LMX1B: variants seen among roughly 807,000 people sequenced by gnomAD.
The protein encoded by LMX1B is LIM homeobox transcription factor 1-beta.
Under a neutral mutation model 51.4 loss-of-function variants are expected in LMX1B, and 12 were observed. That is an observed-to-expected ratio of 0.23 (90% CI 0.15 to 0.38). The LOEUF is 0.38. Among genes scored for constraint, LMX1B ranks in the 10% least tolerant of loss-of-function variants. The pLI is 1.00. For missense variants in LMX1B, 445 were observed against 571.1 expected, an observed-to-expected ratio of 0.78 and a Z score of 2.25; for synonymous variants, 237 against 235.4, an observed-to-expected ratio of 1.01 and a Z score of -0.06.
chr9:126,623,763 G>A (rs956081977), intron 2 of LMX1B, among the ~76,000 whole-genome samples: 1 of 152,224 alleles, frequency 6.6e-6, no homozygotes, highest in African/African-American at 2.4e-5. Flanking sequence ...CCTCCTCTGC[G>A]CGGATTGCCC....
At chr9:126,687,104 G>A (rs911914957) in intron 2 of LMX1B, among the ~76,000 whole-genome samples, 3 of 152,156 alleles carry the variant, frequency 2.0e-5, no homozygotes, top group African/African-American at 4.8e-5. Flanking sequence ...GGCACACACC[G>A]AACAAAAGAA....
chr9:126,631,594 GA>G (rs1262060100), intron 2 of LMX1B, among the ~76,000 whole-genome samples: 1 of 152,146 alleles, frequency 6.6e-6, no homozygotes, highest in Non-Finnish European at 1.5e-5. Context: ...GGATAGGGGC[GA>G]GGGCAGAGCT....
Position 126,618,021 on chromosome 9 carries a change from C to T in LMX1B, c.326+2452C>T, listed in dbSNP as rs1047577631. 6.6e-6 allele frequency among the ~76,000 whole-genome samples: 1 copy of T among 152,090 alleles called. No homozygotes were observed. Among genetic ancestry groups the T allele is most frequent in the African/African-American group, 2.4e-5 (1 of 41,422 alleles). ...GCAGCAGCCACTGGAAAGGGATGTT[C>T]TTTGCACAATAAAAATTTTTTTATT... is the stretch of plus-strand genomic sequence containing the variant. On this transcript the variant is annotated intron_variant, in intron 2 of 7. Transcript: ENST00000373474. The surrounding 1 kb of genome is among the most constrained non-coding windows in gnomAD (Gnocchi z 4.5).
At chr9:126,679,046 C>G (rs546275825) in intron 2 of LMX1B, among the ~76,000 whole-genome samples, 1 of 152,232 alleles carries the variant, frequency 6.6e-6, no homozygotes, top group Admixed American at 6.5e-5. Context: ...CTAGTGGTAC[C>G]CTGGAGATCT....
At chr9:126,653,508 A>G (rs1188860528) in intron 2 of LMX1B, among the ~76,000 whole-genome samples, 6 of 152,096 alleles carry the variant, frequency 3.9e-5, no homozygotes. Flanking sequence ...TTGTAGATTC[A>G]TAGGCAATTG....
At chr9:126,649,500 C>T (rs1346090372) in intron 2 of LMX1B, among the ~76,000 whole-genome samples, 1 of 152,228 alleles carries the variant, frequency 6.6e-6, no homozygotes, top group Non-Finnish European at 1.5e-5. Flanking sequence ...GGATTGGCAC[C>T]GCTACTTTCC....
rs996550897 is a variant in LMX1B, at chr9:126,641,469, C to T, written c.326+25900C>T. 3.9e-5 allele frequency among the ~76,000 whole-genome samples: 6 copies of T among 152,194 alleles called. No individual in the cohort carries two copies. Among genetic ancestry groups the T allele is most frequent in the Non-Finnish European group, 8.8e-5 (6 of 68,034 alleles). On this transcript the variant is annotated intron_variant, in intron 2 of 7. Coordinates refer to ENST00000373474, the MANE Select transcript of LMX1B (RefSeq NM_001174147.2). The surrounding 1 kb of genome is among the most constrained non-coding windows in gnomAD (Gnocchi z 4.1). ...TAATAGCAGGAACAGGACATGAACCCATGTCTGCATATCTTCATGGGCCCT... is the reference window on the plus strand; with the variant it reads ...TAATAGCAGGAACAGGACATGAACCTATGTCTGCATATCTTCATGGGCCCT...
chr9:126,660,412 A>G (rs770857555), intron 2 of LMX1B, among the ~76,000 whole-genome samples: 7 of 152,186 alleles, frequency 4.6e-5, no homozygotes, highest in Non-Finnish European at 1.0e-4. Context: ...GAGCTGCCCA[A>G]GAAGTGACTT....
At chr9:126,681,443 G>A (rs1239742331) in intron 2 of LMX1B, among the ~76,000 whole-genome samples, 11 of 145,756 alleles carry the variant, frequency 7.5e-5, no homozygotes, top group Admixed American at 6.2e-4. Flanking sequence ...CCCTGATGCC[G>A]TCCTTTCTCC....
intron 2 of LMX1B, among the ~76,000 whole-genome samples, chr9:126,679,402 G>T (rs1836630811): frequency 6.6e-6 from 1 of 151,954 alleles, no homozygotes; most frequent in African/African-American, 2.4e-5. Flanking sequence ...GTGGATGGAG[G>T]GGGGATGGGT....
chr9:126,655,931 C>T (rs1467433633), intron 2 of LMX1B, among the ~76,000 whole-genome samples: 2 of 152,102 alleles, frequency 1.3e-5, no homozygotes, highest in African/African-American at 4.8e-5. Flanking sequence ...TAGACAGCTT[C>T]CAAGAGGAGG....
chr9:126,652,299 G>GCC (rs1554724853), intron 2 of LMX1B, among the ~76,000 whole-genome samples: 1 of 150,612 alleles, frequency 6.6e-6, no homozygotes, highest in South Asian at 2.2e-4. Context: ...GAGGAGAAGG[G>GCC]GGGGGGGATT....
In LMX1B at chr9:126,656,236, C is replaced by A. The variant is rs139242410; in HGVS notation, c.327-34600C>A. Among the ~76,000 whole-genome samples, 181 of 152,304 alleles carry A rather than the reference C, an allele frequency of 1.2e-3. 1 individual carries two copies. Among genetic ancestry groups the A allele is most frequent in the Non-Finnish European group, 2.2e-3 (148 of 68,026 alleles). On this transcript the variant is annotated intron_variant, in intron 2 of 7. Coordinates refer to ENST00000373474, the MANE Select transcript of LMX1B (RefSeq NM_001174147.2). ...AACAGACAGGTGTCAATGAGCACCT[C>A]TGTTGAAGTGAAATATTAAACAAGA... is the stretch of plus-strand genomic sequence containing the variant.
At chr9:126,663,225 G>A (rs1043244865) in intron 2 of LMX1B, among the ~76,000 whole-genome samples, 7 of 151,826 alleles carry the variant, frequency 4.6e-5, no homozygotes, top group Non-Finnish European at 1.0e-4. Context: ...TCAGGAGTTC[G>A]AGACCAGCCT....
At chr9:126,649,178 A>C (rs1835958337) in intron 2 of LMX1B, among the ~76,000 whole-genome samples, 2 of 150,226 alleles carry the variant, frequency 1.3e-5, no homozygotes, top group African/African-American at 2.5e-5. Flanking sequence ...CACCTCCCCT[A>C]TCCCAGGCCT....
At chr9:126,646,355 C>T (rs1310482669) in intron 2 of LMX1B, among the ~76,000 whole-genome samples, 1 of 151,850 alleles carries the variant, frequency 6.6e-6, no homozygotes, top group African/African-American at 2.4e-5. Context: ...CATCTACCTA[C>T]CCATCCACCC....
At chr9:126,650,042 C>G (rs939851847) in intron 2 of LMX1B, among the ~76,000 whole-genome samples, 1 of 152,202 alleles carries the variant, frequency 6.6e-6, no homozygotes, top group East Asian at 1.9e-4. Context: ...TCCTTCTTCC[C>G]CTTCTCAGCT....
intron 2 of LMX1B, among the ~76,000 whole-genome samples, chr9:126,624,257 G>T (rs931066536): frequency 1.3e-5 from 2 of 152,204 alleles, no homozygotes; most frequent in African/African-American, 2.4e-5. Flanking sequence ...TGGGGTCGGG[G>T]TGCCCCGCCA....
rs558434149 is a variant in LMX1B at position 126,617,761 on chromosome 9, C to G, written c.326+2192C>G. Among the ~76,000 whole-genome samples the G allele has an allele frequency of 2.6e-5, 4 of 152,270 alleles. No homozygotes were observed. In the South Asian group the frequency reaches 8.3e-4, roughly 32 times the overall value. On this transcript the variant is annotated intron_variant, in intron 2 of 7. Transcript: ENST00000373474. The stretch of plus-strand genomic sequence containing the variant: ...GGGCGAATCTCAGGTCCGAAGACCT[C>G]ACTCAGTCTGGATCCTGTGGGGCTG...
Sources: gnomAD v4.1 joint callset for allele counts (sites outside exome capture counted in the v4.1 genomes callset) on GRCh38, gnomAD v4.1.1 for gene constraint, Gnocchi (gnomAD v3.1) non-coding constraint, MANE v1.5 for transcripts, NCBI Gene and HGNC (gene_info 2026-07-23, HGNC 2026-07-21) for gene names.